OGT: variants seen among roughly 807,000 people sequenced by gnomAD.
OGT encodes the protein O-linked N-acetylglucosamine (GlcNAc) transferase.
Under a neutral mutation model 75.8 loss-of-function variants are expected in OGT, and 3 were observed. That is an observed-to-expected ratio of 0.04 (90% CI 0.02 to 0.10). The LOEUF is 0.10. Ranked by LOEUF, OGT falls within the 10% of genes least tolerant of loss-of-function variation. The probability of loss-of-function intolerance (pLI) is 1.00; values close to 1 mark genes in which losing one functional copy is unlikely to be tolerated. For synonymous variants in OGT, 257 were observed against 289.7 expected, an observed-to-expected ratio of 0.89 and a Z score of 1.15; for missense variants, 260 against 824.4, an observed-to-expected ratio of 0.32 and a Z score of 8.38.
chrX:71,557,272 T>C lies in OGT; in HGVS notation c.1398T>C (p.Tyr466=), dbSNP rs1475731688. Residue 466 remains tyrosine, a synonymous_variant, in exon 11 of 22, where the codon TAT becomes TAC. Coordinates refer to ENST00000373719, the MANE Select transcript of OGT (RefSeq NM_181672.3). ...LKLKPDFPDA[Y]CNLAHCLQIV... ...TTAAGCCTGATTTTCCTGATGCTTA[T>C]TGTAACTTGGCTCATTGCCTGCAGG... 2 of 1,204,728 alleles carry C rather than the reference T, an allele frequency of 1.7e-6. No individual in the cohort carries two copies. The highest frequency in any genetic ancestry group is 2.2e-6 in the Non-Finnish European group (2 of 890,682).
At chrX:71,549,295 CAAAAAAAAAAAA>C (rs35779562) in intron 5 of OGT, among the ~76,000 whole-genome samples, 1 of 21,831 alleles carries the variant, frequency 4.6e-5, no homozygotes, top group African/African-American at 1.7e-4. Flanking sequence ...GGCCCTGTCT[CAAAAAAAAAAAA>C]AAAAAAAAAA....
intron 4 of OGT, 91 bp downstream of exon 4, chrX:71,544,726 C>A: frequency 1.4e-6 from 1 of 721,268 alleles, no homozygotes; most frequent in Non-Finnish European, 2.1e-6. Flanking sequence ...GCTATCTTCA[C>A]AAAACAGTCC....
At chrX:71,571,463 C>T (rs186231752) in intron 21 of OGT, among the ~76,000 whole-genome samples, 22 of 112,230 alleles carry the variant, frequency 2.0e-4, no homozygotes, top group African/African-American at 6.8e-4. Flanking sequence ...TACAGTGATA[C>T]GATCTCCGCT....
chrX:71,548,070 G>A (rs772145761), intron 5 of OGT, 47 bp downstream of exon 5: 1 of 1,150,656 alleles, frequency 8.7e-7, no homozygotes, highest in African/African-American at 1.8e-5. Flanking sequence ...GCTTACGCAT[G>A]TAGTGTTTTT....
At chrX:71,559,747 T>A (rs1364474134) in intron 14 of OGT, 70 bp downstream of exon 14, 1 of 814,493 alleles carries the variant, frequency 1.2e-6, no homozygotes, top group Non-Finnish European at 1.8e-6. Flanking sequence ...GCATATAGTT[T>A]ATTTTTGATG....
rs763539248 is a variant in OGT at position 71,563,315 on chromosome X, C to T, written c.2266-14C>T. 49 of 1,198,685 alleles carry T rather than the reference C, an allele frequency of 4.1e-5. No homozygotes were observed. The highest frequency in any genetic ancestry group is 2.3e-4 in the Middle Eastern group (1 of 4,333). ...ATTCACGATCTTTTCCCTAATGATGCATTTTTTTTTCAGATGAAGTGTCCT... is the reference window on the plus strand; with the variant it reads ...ATTCACGATCTTTTCCCTAATGATGTATTTTTTTTTCAGATGAAGTGTCCT... On this transcript the variant is annotated splice_polypyrimidine_tract_variant and intron_variant, in intron 17 of 21. Transcript: ENST00000373719.
In OGT at chrX:71,538,880, C is replaced by T. The variant is rs143259532; in HGVS notation, c.462+808C>T. 4.0e-3 allele frequency among the ~76,000 whole-genome samples: 447 copies of T among 111,627 alleles called. 2 individuals carry two copies. Among genetic ancestry groups the T allele is most frequent in the African/African-American group, 0.014 (426 of 30,787 alleles). On this transcript the variant is annotated intron_variant, in intron 3 of 21. Coordinates refer to ENST00000373719, the MANE Select transcript of OGT (RefSeq NM_181672.3). ...ATGGCTAATAGTTTATTTTAGCTAC[C>T]GTTTACTGAAAGTCTGTGTGGTCAG...
At chrX:71,564,792 G>T (rs1466344758) in intron 19 of OGT, 39 bp downstream of exon 19, 2 of 1,038,267 alleles carry the variant, frequency 1.9e-6, no homozygotes, top group Non-Finnish European at 2.7e-6. Flanking sequence ...TAAAGATTTT[G>T]TATCTAGAGC....
intron 13 of OGT, 23 bp downstream of exon 13, chrX:71,559,448 A>G: frequency 8.4e-7 from 1 of 1,188,415 alleles, no homozygotes; most frequent in Non-Finnish European, 1.1e-6. Flanking sequence ...TTTCTCTAGA[A>G]TCACTATTTG....
intron 21 of OGT, among the ~76,000 whole-genome samples, chrX:71,568,908 A>G (rs2040435165): frequency 8.9e-6 from 1 of 111,940 alleles, no homozygotes; most frequent in African/African-American, 3.2e-5. Flanking sequence ...AACCTGAGGT[A>G]TATCCATTAT....
intron 14 of OGT, among the ~76,000 whole-genome samples, chrX:71,561,463 CAAA>C (rs111787118): frequency 2.2e-5 from 2 of 89,269 alleles, no homozygotes. Context: ...CCATCCCTAC[CAAA>C]AAAAAAAAAA....
chrX:71,536,184 C>T lies in OGT; in HGVS notation c.44C>T (p.Thr15Met), dbSNP rs376531334. The T allele has an allele frequency of 2.5e-6, 3 of 1,197,379 alleles. No individual in the cohort carries two copies. Among genetic ancestry groups the T allele is most frequent in the Non-Finnish European group, 2.2e-6 (2 of 889,489 alleles). Residue 15 changes from threonine to methionine, a missense_variant, in exon 2 of 22, where the codon ACG (threonine) becomes ATG (methionine). Transcript: ENST00000373719. ...VGNVADSTEP[T>M]KRMLSFQGLA... ...TGTTTTGATGATTCTCCAGAACCAA[C>T]GAAACGTATGCTTTCCTTCCAAGGG...
intron 19 of OGT, among the ~76,000 whole-genome samples, chrX:71,566,805 T>C (rs1220169251): frequency 1.8e-5 from 2 of 112,595 alleles, no homozygotes. Flanking sequence ...ACACACACAG[T>C]ACTACTTTTT....
At chrX:71,554,307 C>T (rs931722434) in intron 5 of OGT, among the ~76,000 whole-genome samples, 4 of 111,656 alleles carry the variant, frequency 3.6e-5, no homozygotes, top group African/African-American at 9.8e-5. Flanking sequence ...CCATTTTGCT[C>T]ATGAGAACAT....
chrX:71,562,003 G>A, intron 15 of OGT, 103 bp downstream of exon 15: 1 of 835,086 alleles, frequency 1.2e-6, no homozygotes. Context: ...AAACTGTAGG[G>A]CAGACATACT....
In OGT at chrX:71,557,231, C is replaced by A; in HGVS notation, c.1357C>A (p.Arg453Ser). ...GNIPEAIASY[R>S]TALKLKPDFP... is the part of the protein sequence containing the mutation. ...TATTCCAGAAGCCATAGCTTCTTAC[C>A]GCACGGCTCTGAAACTTAAGCCTGA... Residue 453 changes from arginine (R) to serine (S), a missense_variant, in exon 11 of 22, where the codon CGC (arginine) becomes AGC (serine). Arg to Ser is a moderately radical substitution (Grantham distance 110). Coordinates refer to ENST00000373719, the MANE Select transcript of OGT (RefSeq NM_181672.3). 1.7e-6 allele frequency: 2 copies of A among 1,207,463 alleles called. No individual in the cohort carries two copies. The highest frequency in any genetic ancestry group is 1.1e-6 in the Non-Finnish European group (1 of 892,881).
intron 3 of OGT, among the ~76,000 whole-genome samples, chrX:71,540,677 T>G (rs2040211285): frequency 9.2e-6 from 1 of 109,215 alleles, no homozygotes; most frequent in Non-Finnish European, 1.9e-5. Context: ...CTGTCATTTT[T>G]TTTTTTTTTT....
At chrX:71,556,916 G>T in intron 9 of OGT, 36 bp from the exon 10 acceptor site, 1 of 1,185,547 alleles carries the variant, frequency 8.4e-7, no homozygotes, top group African/African-American at 1.7e-5. Context: ...AAAGATTTTT[G>T]TATTGGAGAA....
intron 12 of OGT, among the ~76,000 whole-genome samples, chrX:71,558,239 C>T (rs1391240534): frequency 1.8e-5 from 2 of 111,323 alleles, no homozygotes; most frequent in African/African-American, 6.5e-5. Flanking sequence ...GTGTGAGCCA[C>T]CGCGCCTGGC....
Sources: allele counts gnomAD v4.1 joint callset (sites outside exome capture counted in the v4.1 genomes callset), GRCh38; gene constraint gnomAD v4.1.1; transcripts MANE v1.5; gene names NCBI Gene and HGNC (gene_info 2026-07-23, HGNC 2026-07-21).